SYVN1: variants seen among roughly 807,000 people sequenced by gnomAD.
SYVN1 encodes the protein synoviolin 1.
Under a neutral mutation model 62.6 loss-of-function variants are expected in SYVN1, and 17 were observed. The observed-to-expected ratio is 0.27, with a 90% CI of 0.19 to 0.41. The LOEUF (loss-of-function observed/expected upper bound fraction) is 0.41. SYVN1 is among the 10% of genes least tolerant of loss of function. SYVN1 has a pLI of 1.00. For missense variants in SYVN1, 634 were observed against 818.0 expected, an observed-to-expected ratio of 0.78 and a Z score of 2.74; for synonymous variants, 316 against 304.0, an observed-to-expected ratio of 1.04 and a Z score of -0.41.
chr11:65,132,420 G>T, intron 5 of SYVN1, 69 bp from the exon 6 acceptor site: 2 of 1,108,172 alleles, frequency 1.8e-6, no homozygotes, highest in South Asian at 1.3e-5. Flanking sequence ...TAATGCTCTA[G>T]GACAGCCCCA....
intron 2 of SYVN1, 93 bp from the exon 3 acceptor site, chr11:65,133,345 T>C: frequency 6.3e-7 from 1 of 1,579,342 alleles, no homozygotes; most frequent in Non-Finnish European, 8.7e-7. Context: ...CTCATCACAG[T>C]TTATTCAAAG....
At chr11:65,133,921 G>A (rs191095342) in intron 1 of SYVN1, among the ~76,000 whole-genome samples, 1 of 152,362 alleles carries the variant, frequency 6.6e-6, no homozygotes, top group East Asian at 1.9e-4. Context: ...AATGTTGGAG[G>A]AGGGGGAGCT....
intron 5 of SYVN1, 97 bp downstream of exon 5, chr11:65,132,635 C>G (rs1948195871): frequency 7.3e-7 from 1 of 1,376,970 alleles, no homozygotes. Context: ...CCTAAATTAT[C>G]TTTCCTGTAC....
At chr11:65,133,301 T>C in intron 2 of SYVN1, 49 bp from the exon 3 acceptor site, 2 of 1,598,932 alleles carry the variant, frequency 1.3e-6, no homozygotes, top group African/African-American at 1.3e-5. Flanking sequence ...TGCTTTCCTC[T>C]CCTTGGGACT....
chr11:65,130,642 A>C lies in SYVN1; in HGVS notation c.1105+18T>G, dbSNP rs1015915133. The stretch of plus-strand genomic sequence containing the variant: ...GTATCCAGTGGTATGCCGGGTGGCC[A>C]GACAAGGGGATACTCACAGTTGGGG... On this transcript the variant is annotated intron_variant, in intron 11 of 15. Transcript: ENST00000377190. The C allele has an allele frequency of 7.6e-7, 1 of 1,307,222 alleles. No homozygotes were observed. Among genetic ancestry groups the C allele is most frequent in the Admixed American group, 2.8e-5 (1 of 35,686 alleles). The allele number at this position is 1,307,222 out of a possible 1,614,324, so 81.0% of individuals were successfully genotyped here.
Position 65,128,581 on chromosome 11 carries a change from CAG to C in SYVN1, c.1727_1728del (p.Pro576ArgfsTer9), listed in dbSNP as rs1565342419. Reference protein sequence around the residue: ...TPTPGASPPAPEMERPPAPES... With the variant: ...TPTPGASPPAXEMERPPAPES... ...CACCTACCTGGAGGCCTTTCCATTTCAGGGGCTGGTGGGGAGGCTCCTGGGGT... is the reference window on the plus strand; with the variant it reads ...CACCTACCTGGAGGCCTTTCCATTTCGGGCTGGTGGGGAGGCTCCTGGGGT... On this transcript the variant is annotated frameshift_variant, in exon 15 of 16. Coordinates refer to ENST00000377190, the MANE Select transcript of SYVN1 (RefSeq NM_172230.3). LOFTEE classifies it high-confidence loss of function. 1 of 1,614,038 alleles carries C rather than the reference CAG, an allele frequency of 6.2e-7. No homozygotes were observed. Among genetic ancestry groups the C allele is most frequent in the Admixed American group, 1.7e-5 (1 of 59,994 alleles).
Position 65,132,240 on chromosome 11 carries a change from A to T in SYVN1, c.531+8T>A, listed in dbSNP as rs1379831193. The T allele has an allele frequency of 1.9e-6, 3 of 1,611,034 alleles. No individual in the cohort carries two copies. The highest frequency in any genetic ancestry group is 2.5e-6 in the Non-Finnish European group (3 of 1,177,222). ...GCTTGTCCTCTCAACCTCCCAAGCC[A>T]GTTTTACCTCAAAGCCAAACACCAG... is the stretch of plus-strand genomic sequence containing the variant. On this transcript the variant is annotated splice_region_variant and intron_variant, in intron 6 of 15. Coordinates refer to ENST00000377190, the MANE Select transcript of SYVN1 (RefSeq NM_172230.3).
chr11:65,128,174 T>C lies in SYVN1; in HGVS notation c.*208A>G, dbSNP rs1686476181. 1 of 601,914 alleles carries C rather than the reference T, an allele frequency of 1.7e-6. No individual in the cohort carries two copies. Among genetic ancestry groups the C allele is most frequent in the Admixed American group, 2.9e-5 (1 of 34,084 alleles). 37.3% of individuals were successfully genotyped at this position (601,914 alleles called of 1,614,324 possible). A position where few individuals can be genotyped will look rare whatever the true frequency, so the allele number is the denominator to read the frequency against. ...AAGAGTTGGAGAGGAAGGCTGGAAC[T>C]GACCCGAGATCCCCATGGCTGCCTG... is the stretch of plus-strand genomic sequence containing the variant. On this transcript the variant is annotated 3_prime_UTR_variant, in exon 16 of 16. Coordinates refer to ENST00000377190, the MANE Select transcript of SYVN1 (RefSeq NM_172230.3).
chr11:65,129,145 T>C lies in SYVN1; in HGVS notation c.1596-431A>G, dbSNP rs1948142303. On this transcript the variant is annotated intron_variant, in intron 14 of 15. Transcript: ENST00000377190. Reference sequence around the variant, plus strand: ...CGGCTCTGTCACCAAAGCTGGAATTTAGTGGCACAATCATAGCTCACTGCA... The same window carrying C: ...CGGCTCTGTCACCAAAGCTGGAATTCAGTGGCACAATCATAGCTCACTGCA... 3 of 179,282 alleles carry C rather than the reference T, an allele frequency of 1.7e-5. No individual in the cohort carries two copies. The South Asian group carries it at 3.8e-4, about 23-fold the overall frequency. 11.1% of individuals were successfully genotyped at this position (179,282 alleles called of 1,614,324 possible). A position where few individuals can be genotyped will look rare whatever the true frequency, so the allele number is the denominator to read the frequency against.
Position 65,131,115 on chromosome 11 carries a change from A to G in SYVN1, c.824+17T>C. ...CAGGACCGAGCTTGGGACAGCAGCCATGACAAGCCTACTTACAGGGTGTTC... is the reference window on the plus strand; with the variant it reads ...CAGGACCGAGCTTGGGACAGCAGCCGTGACAAGCCTACTTACAGGGTGTTC... On this transcript the variant is annotated intron_variant, in intron 9 of 15. Transcript: ENST00000377190. The G allele has an allele frequency of 6.2e-7, 1 of 1,614,198 alleles. No homozygotes were observed. Among genetic ancestry groups the G allele is most frequent in the Non-Finnish European group, 8.5e-7 (1 of 1,180,004 alleles).
rs1284931494 is a variant in SYVN1, at chr11:65,133,258, A to G, written c.133-6T>C. 1.2e-6 allele frequency: 2 copies of G among 1,614,130 alleles called. No individual in the cohort carries two copies. The highest frequency in any genetic ancestry group is 1.7e-6 in the Non-Finnish European group (2 of 1,179,986). On this transcript the variant is annotated splice_polypyrimidine_tract_variant and splice_region_variant and intron_variant, in intron 2 of 15. Transcript: ENST00000377190. ...AAGGCCTGGATGTACAGGACCTAGG[A>G]GTGGGGAGAGGCTGTGGTTTGAGGT... is the stretch of plus-strand genomic sequence containing the variant.
chr11:65,132,126 C>T (rs1038640205), intron 6 of SYVN1, 122 bp downstream of exon 6: 7 of 779,412 alleles, frequency 9.0e-6, no homozygotes, highest in Non-Finnish European at 1.6e-5. Flanking sequence ...CTGATCACTG[C>T]CCCTTGGTGG....
chr11:65,132,230 C>T lies in SYVN1; in HGVS notation c.531+18G>A, dbSNP rs1180194972. The T allele has an allele frequency of 1.9e-6, 3 of 1,601,166 alleles. No individual in the cohort carries two copies. Among genetic ancestry groups the T allele is most frequent in the Non-Finnish European group, 2.6e-6 (3 of 1,168,290 alleles). On this transcript the variant is annotated intron_variant, in intron 6 of 15. Transcript: ENST00000377190. The stretch of plus-strand genomic sequence containing the variant: ...GTCACCTCGGGCTTGTCCTCTCAAC[C>T]TCCCAAGCCAGTTTTACCTCAAAGC...
At position 65,132,796 on chromosome 11, in the gene SYVN1, G is replaced by C. The variant is rs1948198020; in HGVS notation, c.379-16C>G. The C allele has an allele frequency of 6.2e-7, 1 of 1,614,118 alleles. No homozygotes were observed. The highest frequency in any genetic ancestry group is 2.2e-5 in the East Asian group (1 of 44,886). ...TGCGTTCCATCTGAGGCAGAGCACA[G>C]AAGAGGCCTGTCAGGAGGCCTGGGG... On this transcript the variant is annotated splice_polypyrimidine_tract_variant and intron_variant, in intron 4 of 15. Transcript: ENST00000377190.
chr11:65,129,965 C>T, intron 13 of SYVN1, 37 bp downstream of exon 13: 4 of 1,601,226 alleles, frequency 2.5e-6, no homozygotes, highest in Non-Finnish European at 3.4e-6. Flanking sequence ...ACACCAACCT[C>T]ACCCCCAAGA....
chr11:65,133,880 C>A (rs1425056375), intron 1 of SYVN1, among the ~76,000 whole-genome samples: 4 of 152,250 alleles, frequency 2.6e-5, no homozygotes, highest in African/African-American at 7.2e-5. Context: ...GCCAAGCCGC[C>A]TCCTCTAGGG....
Position 65,133,616 on chromosome 11 carries a change from G to T in SYVN1, c.-15C>A, listed in dbSNP as rs1283771438. 1 of 1,605,936 alleles carries T rather than the reference G, an allele frequency of 6.2e-7. No individual in the cohort carries two copies. The highest frequency in any genetic ancestry group is 1.1e-5 in the South Asian group (1 of 91,008). On this transcript the variant is annotated splice_region_variant and 5_prime_UTR_variant, in exon 2 of 16. Coordinates refer to ENST00000377190, the MANE Select transcript of SYVN1 (RefSeq NM_172230.3). ...GTGCGGAACATTGCCCTGGCCCGGA[G>T]ACCTGCATGGGGCAAGAAAATAACT...
At position 65,130,062 on chromosome 11, in the gene SYVN1, GGCCAGCCTCTGGGGCAGA is replaced by G. The variant is rs780051382; in HGVS notation, c.1330_1347del (p.Ser444_Gly449del). 2.5e-6 allele frequency: 4 copies of G among 1,607,246 alleles called. No individual in the cohort carries two copies. In the East Asian group the frequency reaches 9.0e-5, roughly 36 times the overall value. ...GGAGGGAAGGGGAAACCAGGGGCAGGGCCAGCCTCTGGGGCAGAGCCAGAGCCTGGGCCAGATGCTGTG... is the reference window on the plus strand; with the variant it reads ...GGAGGGAAGGGGAAACCAGGGGCAGGGCCAGAGCCTGGGCCAGATGCTGTG... On this transcript the variant is annotated inframe_deletion, in exon 13 of 16. Coordinates refer to ENST00000377190, the MANE Select transcript of SYVN1 (RefSeq NM_172230.3).
At position 65,129,921 on chromosome 11, in the gene SYVN1, G is replaced by T. The variant is rs1948153382; in HGVS notation, c.1409-6C>A. The T allele has an allele frequency of 6.2e-7, 1 of 1,612,846 alleles. No homozygotes were observed. Among genetic ancestry groups the T allele is most frequent in the Non-Finnish European group, 8.5e-7 (1 of 1,179,152 alleles). ...CACAGGCATTGGGGGGAAGGCTGGA[G>T]AGAGAGAGGCTCAGTCTGGGCTGCT... On this transcript the variant is annotated splice_region_variant and splice_polypyrimidine_tract_variant and intron_variant, in intron 13 of 15. Coordinates refer to ENST00000377190, the MANE Select transcript of SYVN1 (RefSeq NM_172230.3).
Sources: gnomAD v4.1 joint callset for allele counts (sites outside exome capture counted in the v4.1 genomes callset) on GRCh38, gnomAD v4.1.1 for gene constraint, MANE v1.5 for transcripts, NCBI Gene and HGNC (gene_info 2026-07-23, HGNC 2026-07-21) for gene names.